The following LYPD6 variants were observed in gnomAD, a reference collection of about 807,000 sequenced individuals.
LYPD6 encodes ly6/PLAUR domain-containing protein 6.
In LYPD6, 15 loss-of-function variants were observed where a neutral mutation model predicts 22.7. The observed-to-expected ratio is 0.66, with a 90% CI of 0.44 to 1.02. LYPD6 has a LOEUF of 1.02. Among genes scored for constraint, LYPD6 ranks in the 50% least tolerant of loss-of-function variants. LYPD6 has a pLI of 0.00. For missense variants in LYPD6, 189 were observed against 208.4 expected (o/e 0.91, Z 0.57); for synonymous variants, 72 against 77.5 (o/e 0.93, Z 0.37).
chr2:149,419,296 T>G (rs1683028666), intron 1 of LYPD6, among the ~76,000 whole-genome samples: 1 of 152,200 alleles, frequency 6.6e-6, no homozygotes, highest in African/African-American at 2.4e-5. Flanking sequence ...TTTTCTTATT[T>G]AATTAACGTT....
chr2:149,468,761 C>A lies in LYPD6; in HGVS notation c.334C>A (p.His112Asn), dbSNP rs115572512. Residue 112 changes from histidine (H) to asparagine (N), a missense_variant, in exon 4 of 5, where the codon CAT becomes AAT. His to Asn is a moderately conservative substitution (Grantham distance 68). Coordinates refer to ENST00000334166, the MANE Select transcript of LYPD6 (RefSeq NM_194317.5). ...ATCCACTGGCTGCAGAGACTCCGAG[C>A]ATGAAGGCCACAAGGTCTGGGCAAC... Reference protein sequence around the residue: ...CLSTGCRDSEHEGHKVCTSCC... With the variant: ...CLSTGCRDSENEGHKVCTSCC... 6.2e-7 allele frequency: 1 copy of A among 1,613,494 alleles called. No individual in the cohort carries two copies. The highest frequency in any genetic ancestry group is 1.3e-5 in the African/African-American group (1 of 74,984).
chr2:149,358,128 C>T lies in LYPD6; in HGVS notation c.-72+27406C>T, dbSNP rs147038747. Reference sequence around the variant, plus strand: ...AAAAATAGTACTACCTTTAGAAGTTCTTACCTTTAATTGTTAATAGTGAAT... The same window carrying T: ...AAAAATAGTACTACCTTTAGAAGTTTTTACCTTTAATTGTTAATAGTGAAT... On this transcript the variant is annotated intron_variant, in intron 1 of 4. Coordinates refer to ENST00000334166, the MANE Select transcript of LYPD6 (RefSeq NM_194317.5). Among the ~76,000 whole-genome samples, 15 of 152,232 alleles carry T rather than the reference C, an allele frequency of 9.9e-5. 1 individual carries two copies. In the East Asian group the frequency reaches 2.3e-3, roughly 24 times the overall value.
In LYPD6 at chr2:149,455,719, A is replaced by C. The variant is rs1680942932; in HGVS notation, c.217+6572A>C. ...CTTCCATTTGATGGTCTGCCTTATC[A>C]CTTTTATCCTGACCACTGTTCACCA... On this transcript the variant is annotated intron_variant, in intron 3 of 4. Coordinates refer to ENST00000334166, the MANE Select transcript of LYPD6 (RefSeq NM_194317.5). Among the ~76,000 whole-genome samples, 6 of 152,154 alleles carry C rather than the reference A, an allele frequency of 3.9e-5. No homozygotes were observed. The South Asian group carries it at 1.2e-3, about 32-fold the overall frequency.
intron 1 of LYPD6, among the ~76,000 whole-genome samples, chr2:149,355,391 A>G (rs545424812): frequency 5.3e-4 from 80 of 152,364 alleles, no homozygotes; most frequent in African/African-American, 1.8e-3. Flanking sequence ...TCTCATAAAC[A>G]TTAGCATTTT....
At chr2:149,378,668 G>T (rs770613603) in intron 1 of LYPD6, among the ~76,000 whole-genome samples, 70 of 152,166 alleles carry the variant, frequency 4.6e-4, no homozygotes, top group Non-Finnish European at 8.8e-4. Context: ...TCAGCAATTT[G>T]CCCTGTATTT....
intron 1 of LYPD6, among the ~76,000 whole-genome samples, chr2:149,406,254 T>C (rs1439284329): frequency 6.6e-6 from 1 of 152,082 alleles, no homozygotes; most frequent in Non-Finnish European, 1.5e-5. Flanking sequence ...TTAGGTCCAC[T>C]TGGTGCAGAG....
At chr2:149,444,994 A>C (rs1683653954) in intron 2 of LYPD6, among the ~76,000 whole-genome samples, 1 of 152,232 alleles carries the variant, frequency 6.6e-6, no homozygotes, top group Non-Finnish European at 1.5e-5. Context: ...ATAGGCTTAC[A>C]AATATATTTC....
intron 3 of LYPD6, among the ~76,000 whole-genome samples, chr2:149,466,669 T>G (rs1250621375): frequency 1.3e-5 from 2 of 152,204 alleles, no homozygotes; most frequent in Non-Finnish European, 2.9e-5. Flanking sequence ...CATATCAAGT[T>G]CACCAATTGT....
intron 3 of LYPD6, chr2:149,464,443 G>A (rs1459155620): frequency 2.3e-5 from 4 of 173,214 alleles, no homozygotes; most frequent in Non-Finnish European, 3.9e-5. Flanking sequence ...GAGGCAATGA[G>A]GAGACAGTTT....
downstream of LYPD6, among the ~76,000 whole-genome samples, chr2:149,477,090 T>A (rs1573840574): frequency 6.6e-6 from 1 of 152,206 alleles, no homozygotes; most frequent in African/African-American, 2.4e-5. Flanking sequence ...CTGGCACATG[T>A]CAGCACTGGG....
rs189330548 is a variant in LYPD6 at position 149,469,080 on chromosome 2, A to G, written c.348+305A>G. On this transcript the variant is annotated intron_variant, in intron 4 of 4. Transcript: ENST00000334166. ...CCAGAAAAAAGAGGAGCAAGAGACC[A>G]GTTATGTCCATCACAGTGAAGCTTT... Among the ~76,000 whole-genome samples, 4 of 152,348 alleles carry G rather than the reference A, an allele frequency of 2.6e-5. No individual in the cohort carries two copies. In the East Asian group the frequency reaches 7.7e-4, roughly 29 times the overall value.
intron 1 of LYPD6, among the ~76,000 whole-genome samples, chr2:149,348,836 T>G (rs1681309058): frequency 6.6e-6 from 1 of 152,062 alleles, no homozygotes; most frequent in South Asian, 2.1e-4. Context: ...AATAAGAGGC[T>G]GTTGTAGCAG....
chr2:149,470,672 C>T lies in LYPD6; in HGVS notation c.349-11C>T, dbSNP rs1558819727. 2.5e-6 allele frequency: 4 copies of T among 1,601,604 alleles called. No homozygotes were observed. The highest frequency in any genetic ancestry group is 1.7e-5 in the Admixed American group (1 of 59,082). On this transcript the variant is annotated splice_polypyrimidine_tract_variant and intron_variant, in intron 4 of 4. Coordinates refer to ENST00000334166, the MANE Select transcript of LYPD6 (RefSeq NM_194317.5). ...GGCTTCTCATTATCTTTTTTTCTTC[C>T]TTTCTTTCAGGTCTGCACTTCTTGT...
chr2:149,437,083 A>G (rs766865597), intron 1 of LYPD6, among the ~76,000 whole-genome samples: 51 of 152,162 alleles, frequency 3.4e-4, no homozygotes, highest in Non-Finnish European at 5.6e-4. Flanking sequence ...TACATAAAGG[A>G]CTTCAGTAGT....
chr2:149,416,630 G>A (rs1263180393), intron 1 of LYPD6, among the ~76,000 whole-genome samples: 1 of 152,196 alleles, frequency 6.6e-6, no homozygotes, highest in African/African-American at 2.4e-5. Context: ...ACAACGCCCA[G>A]AGTTTTGTGA....
downstream of LYPD6, among the ~76,000 whole-genome samples, chr2:149,476,760 A>G (rs987902595): frequency 9.2e-5 from 14 of 152,128 alleles, no homozygotes; most frequent in Admixed American, 2.6e-4. Flanking sequence ...TTTGGGTCCT[A>G]TGGAATTTGC....
At chr2:149,343,070 A>G (rs1435282448) in intron 1 of LYPD6, among the ~76,000 whole-genome samples, 2 of 152,182 alleles carry the variant, frequency 1.3e-5, no homozygotes, top group African/African-American at 2.4e-5. Context: ...TCTGTGCTAG[A>G]GGAGACAGTT....
chr2:149,346,789 C>T (rs1379299589), intron 1 of LYPD6, among the ~76,000 whole-genome samples: 1 of 152,200 alleles, frequency 6.6e-6, no homozygotes, highest in East Asian at 1.9e-4. Flanking sequence ...CAACCTCCGC[C>T]TCCCGGGTTC....
chr2:149,404,584 G>A (rs1039118025), intron 1 of LYPD6, among the ~76,000 whole-genome samples: 15 of 152,166 alleles, frequency 9.9e-5, no homozygotes, highest in Non-Finnish European at 2.1e-4. Context: ...CATTGATTTT[G>A]TATCCTGAGA....
Sources: allele counts gnomAD v4.1 joint callset (sites outside exome capture counted in the v4.1 genomes callset), GRCh38; gene constraint gnomAD v4.1.1; transcripts MANE v1.5; gene names NCBI Gene and HGNC (gene_info 2026-07-23, HGNC 2026-07-21).